MORC1: variants seen among roughly 807,000 people sequenced by gnomAD.
MORC1 encodes MORC family CW-type zinc finger protein 1.
Under a neutral mutation model 134.9 loss-of-function variants are expected in MORC1, and 59 were observed. The observed-to-expected ratio is 0.44, with a 90% CI of 0.35 to 0.54. MORC1 has a LOEUF of 0.54. Ranked by LOEUF, MORC1 falls within the 20% of genes least tolerant of loss-of-function variation. MORC1 has a pLI of 0.00. For missense variants in MORC1, 947 were observed against 1,134.5 expected (o/e 0.83, Z 2.37); for synonymous variants, 395 against 391.7 (o/e 1.01, Z -0.10).
At position 109,018,073 on chromosome 3, in the gene MORC1, C is replaced by T. The variant is rs1002816360; in HGVS notation, c.1704+9678G>A. Among the ~76,000 whole-genome samples, 17 of 152,152 alleles carry T rather than the reference C, an allele frequency of 1.1e-4. 1 individual carries two copies. Among genetic ancestry groups the T allele is most frequent in the Middle Eastern group, 6.8e-3 (2 of 294 alleles). Reference sequence around the variant, plus strand: ...CAGACCAAGAGATTCTTGTTTAGTCCGTCTGGTGTAGATCTCAGGAGTGAA... The same window carrying T: ...CAGACCAAGAGATTCTTGTTTAGTCTGTCTGGTGTAGATCTCAGGAGTGAA... On this transcript the variant is annotated intron_variant, in intron 17 of 27. Coordinates refer to ENST00000232603, the MANE Select transcript of MORC1 (RefSeq NM_014429.4).
At chr3:109,095,625 C>A (rs970862258) in intron 6 of MORC1, among the ~76,000 whole-genome samples, 1 of 152,134 alleles carries the variant, frequency 6.6e-6, no homozygotes, top group African/African-American at 2.4e-5. Flanking sequence ...GGAAGACATA[C>A]CAGGCACTGC....
intron 3 of MORC1, among the ~76,000 whole-genome samples, chr3:109,109,506 G>A (rs1951115896): frequency 6.6e-6 from 1 of 152,088 alleles, no homozygotes; most frequent in African/African-American, 2.4e-5. Context: ...CATATTTCAA[G>A]CTCTAGCCCC....
intron 20 of MORC1, among the ~76,000 whole-genome samples, chr3:109,004,301 A>C (rs1264743360): frequency 1.3e-5 from 2 of 152,224 alleles, no homozygotes; most frequent in Non-Finnish European, 2.9e-5. Flanking sequence ...GGTCGAATTT[A>C]ATTTGTGGAA....
chr3:109,039,082 A>G (rs1021280313), intron 14 of MORC1, among the ~76,000 whole-genome samples: 2 of 152,008 alleles, frequency 1.3e-5, no homozygotes, highest in African/African-American at 4.8e-5. Context: ...ATGCCTGGCT[A>G]ATTTTTGTAT....
At chr3:109,024,538 A>G (rs1347629423) in intron 17 of MORC1, among the ~76,000 whole-genome samples, 1 of 152,160 alleles carries the variant, frequency 6.6e-6, no homozygotes, top group Admixed American at 6.5e-5. Context: ...TCAACCTTTC[A>G]TTTTCCAGAT....
intron 7 of MORC1, 104 bp downstream of exon 7, chr3:109,094,805 T>G: frequency 8.4e-4 from 916 of 1,086,906 alleles, no homozygotes; most frequent in Non-Finnish European, 1.0e-3. Context: ...TGAATCCACA[T>G]GAGATTATAA....
intron 12 of MORC1, among the ~76,000 whole-genome samples, chr3:109,057,722 A>C (rs1038611726): frequency 2.6e-5 from 4 of 152,214 alleles, no homozygotes; most frequent in Non-Finnish European, 5.9e-5. Context: ...ACATCTGCCA[A>C]TTTAAATTTA....
chr3:109,016,864 C>CA (rs1559895245), intron 17 of MORC1, among the ~76,000 whole-genome samples: 1 of 151,346 alleles, frequency 6.6e-6, no homozygotes. Context: ...AACTCCATCT[C>CA]AAAAAAAGAA....
chr3:109,103,264 C>T (rs957789110), intron 4 of MORC1, among the ~76,000 whole-genome samples: 4 of 152,200 alleles, frequency 2.6e-5, no homozygotes, highest in Non-Finnish European at 5.9e-5. Context: ...TTTCACAGCA[C>T]ACAGACACTG....
At chr3:109,031,323 T>C (rs1949236567) in intron 16 of MORC1, among the ~76,000 whole-genome samples, 1 of 152,206 alleles carries the variant, frequency 6.6e-6, no homozygotes, top group Admixed American at 6.5e-5. Flanking sequence ...AAAGATCCTA[T>C]AATTATACCA....
At chr3:109,045,943 T>G (rs1393221340) in intron 14 of MORC1, among the ~76,000 whole-genome samples, 1 of 152,190 alleles carries the variant, frequency 6.6e-6, no homozygotes, top group Non-Finnish European at 1.5e-5. Flanking sequence ...GTTACCCACC[T>G]TCTTAAGTGT....
Position 109,092,855 on chromosome 3 carries a change from G to A in MORC1, c.689+581C>T, listed in dbSNP as rs749630966. ...TCTGAGACTAAAAAACTGCAGGCTC[G>A]AGCTAAGTTGTAAGTAACACTGTTA... On this transcript the variant is annotated intron_variant, in intron 8 of 27. Transcript: ENST00000232603. Among the ~76,000 whole-genome samples the A allele has an allele frequency of 3.4e-4, 52 of 152,052 alleles. 1 individual carries two copies. Among genetic ancestry groups the A allele is most frequent in the Non-Finnish European group, 4.4e-5 (3 of 68,026 alleles).
At chr3:109,081,436 A>G (rs914306977) in intron 8 of MORC1, among the ~76,000 whole-genome samples, 42 of 150,642 alleles carry the variant, frequency 2.8e-4, no homozygotes, top group African/African-American at 1.0e-3. Flanking sequence ...TTCTTAGCAG[A>G]TGGTACAAGA....
chr3:108,961,144 A>G (rs1467703611), intron 27 of MORC1, among the ~76,000 whole-genome samples: 2 of 152,144 alleles, frequency 1.3e-5, no homozygotes, highest in Admixed American at 1.3e-4. Context: ...GATTTTTAGG[A>G]AGGGCCTTTC....
chr3:109,072,169 T>A (rs918374466), intron 8 of MORC1, among the ~76,000 whole-genome samples: 5 of 152,142 alleles, frequency 3.3e-5, no homozygotes, highest in African/African-American at 1.2e-4. Context: ...ATGCATAAGA[T>A]CCTTCATGGT....
At chr3:109,009,266 C>T (rs1319654314) in intron 17 of MORC1, among the ~76,000 whole-genome samples, 2 of 142,256 alleles carry the variant, frequency 1.4e-5, no homozygotes, top group African/African-American at 2.6e-5. Flanking sequence ...AGTGCAGTGG[C>T]GCAATCTCTG....
chr3:109,112,252 A>G (rs980587141), intron 2 of MORC1, among the ~76,000 whole-genome samples: 1 of 152,234 alleles, frequency 6.6e-6, no homozygotes, highest in Non-Finnish European at 1.5e-5. Flanking sequence ...CTATTGTATT[A>G]GGAAGAGGAC....
chr3:109,070,028 A>G (rs185288240), intron 8 of MORC1, among the ~76,000 whole-genome samples: 1 of 152,346 alleles, frequency 6.6e-6, no homozygotes, highest in Admixed American at 6.5e-5. Flanking sequence ...AAGTAGACTT[A>G]TAACAGCAAT....
intron 14 of MORC1, among the ~76,000 whole-genome samples, chr3:109,048,075 C>G (rs1949737092): frequency 6.6e-6 from 1 of 152,142 alleles, no homozygotes. Flanking sequence ...ACCTGTTGAA[C>G]TACTCCTAGT....
Sources: allele counts gnomAD v4.1 joint callset (sites outside exome capture counted in the v4.1 genomes callset), GRCh38; gene constraint gnomAD v4.1.1; transcripts MANE v1.5; gene names NCBI Gene and HGNC (gene_info 2026-07-23, HGNC 2026-07-21).